Variants in P2RY8 observed in about 807,000 individuals in gnomAD.
P2RY8 encodes the protein P2Y receptor family member 8, also known as S-geranylgeranyl-glutathione receptor P2RY8.
P2RY8 carries 6 observed loss-of-function variants against 10.0 expected under a neutral mutation model. That is an observed-to-expected ratio of 0.60 (90% CI 0.33 to 1.19). P2RY8 has a LOEUF of 1.19. Among genes scored for constraint, P2RY8 ranks in the 50% most tolerant of loss-of-function variants. P2RY8 has a pLI of 0.04. For synonymous variants in P2RY8, 276 were observed against 252.5 expected (o/e 1.09, Z -0.88); for missense variants, 456 against 542.0 (o/e 0.84, Z 1.58).
At chrX:1,514,569 C>T (rs1439688843) in intron 1 of P2RY8, among the ~76,000 whole-genome samples, 1 of 70,290 alleles carries the variant, frequency 1.4e-5, no homozygotes, top group Non-Finnish European at 2.8e-5. Context: ...TCCCTTCCCT[C>T]CCTTCCCTTC....
chrX:1,519,812 T>A (rs2092377666), intron 1 of P2RY8, among the ~76,000 whole-genome samples: 2 of 151,754 alleles, frequency 1.3e-5, no homozygotes, highest in Admixed American at 1.3e-4. Context: ...TTTTCTCGGA[T>A]CCCCAATCAT....
chrX:1,473,801 T>G, intron 1 of P2RY8, among the ~76,000 whole-genome samples: 1 of 132,802 alleles, frequency 7.5e-6, no homozygotes, highest in African/African-American at 2.8e-5. Flanking sequence ...GGTGGGTGGG[T>G]TTGTGAATGG....
intron 1 of P2RY8, among the ~76,000 whole-genome samples, chrX:1,478,325 C>G (rs1157829819): frequency 6.7e-6 from 1 of 149,300 alleles, no homozygotes; most frequent in Non-Finnish European, 1.5e-5. Context: ...AAACAGGGAT[C>G]ATATAAACTA....
At chrX:1,533,042 G>GA (rs1176580168) in intron 1 of P2RY8, among the ~76,000 whole-genome samples, 1 of 128,012 alleles carries the variant, frequency 7.8e-6, no homozygotes, top group Non-Finnish European at 1.7e-5. Context: ...AAAGAAAAAA[G>GA]AAAAAAAAAG....
At chrX:1,489,701 G>T (rs1185351414) in intron 1 of P2RY8, among the ~76,000 whole-genome samples, 1 of 151,540 alleles carries the variant, frequency 6.6e-6, no homozygotes, top group African/African-American at 2.4e-5. Context: ...TAGAGAGAAT[G>T]AATGAATGAT....
chrX:1,509,099 GTATCTATCTATCTATC>G (rs760585041), intron 1 of P2RY8, among the ~76,000 whole-genome samples: 61 of 138,404 alleles, frequency 4.4e-4, no homozygotes, highest in Non-Finnish European at 7.1e-4. Flanking sequence ...ATGTATCTAT[GTATCTATCTATCTATC>G]TATCTATCTA....
chrX:1,487,971 G>A (rs6645253), intron 1 of P2RY8, among the ~76,000 whole-genome samples: 29,580 of 152,046 alleles, frequency 0.19, 3,530 homozygotes, highest in Middle Eastern at 0.39. Flanking sequence ...TTAGCCAGGC[G>A]TGGTGGTGGG....
At chrX:1,501,891 C>A (rs28507420) in intron 1 of P2RY8, among the ~76,000 whole-genome samples, 3,712 of 151,878 alleles carry the variant, frequency 0.024, 53 homozygotes, top group Middle Eastern at 0.048. Context: ...CCACGCCCGG[C>A]GAGTTTTCAT....
rs1170051824 is a variant in P2RY8 at position 1,509,796 on chromosome X, C to CCTATCTATCTATCTAT, written c.-25+27109_-25+27124dup. Among the ~76,000 whole-genome samples, 264 of 105,114 alleles carry CCTATCTATCTATCTAT rather than the reference C, an allele frequency of 2.5e-3. 7 individuals carry two copies. The highest frequency in any genetic ancestry group is 5.6e-3 in the South Asian group (18 of 3,214). 69.0% of individuals were successfully genotyped at this position (105,114 alleles called of 152,430 possible). A position where few individuals can be genotyped will look rare whatever the true frequency, so the allele number is the denominator to read the frequency against. On this transcript the variant is annotated intron_variant, in intron 1 of 1. Transcript: ENST00000381297. ...ATCTATCTATCATCTATGTATCCATCCTATCTATCTATCTATCTATCTATC... is the reference window on the plus strand; with the variant it reads ...ATCTATCTATCATCTATGTATCCATCCTATCTATCTATCTATCTATCTATCTATCTATCTATCTATC...
At position 1,512,176 on chromosome X, in the gene P2RY8, C is replaced by T. The variant is rs778533921; in HGVS notation, c.-25+24745G>A. ...CTTAAACAACAGAAATTCATCATCT[C>T]CCAGTCCTGGAGGTGAAGAGTCTGA... On this transcript the variant is annotated intron_variant, in intron 1 of 1. Coordinates refer to ENST00000381297, the MANE Select transcript of P2RY8 (RefSeq NM_178129.5). 1.2e-4 allele frequency among the ~76,000 whole-genome samples: 18 copies of T among 152,192 alleles called. No individual in the cohort carries two copies. In the South Asian group the frequency reaches 3.3e-3, roughly 28 times the overall value.
chrX:1,535,931 A>G (rs1268050422), intron 1 of P2RY8, among the ~76,000 whole-genome samples: 5 of 152,046 alleles, frequency 3.3e-5, no homozygotes, highest in Non-Finnish European at 5.9e-5. Flanking sequence ...TGGGGTTTCT[A>G]AGCGGACCTG....
At chrX:1,481,115 CAAG>C (rs2091930107) in intron 1 of P2RY8, among the ~76,000 whole-genome samples, 2 of 151,860 alleles carry the variant, frequency 1.3e-5, no homozygotes, top group Admixed American at 1.3e-4. Context: ...ATGCTGGTCA[CAAG>C]AAGACGGTCC....
chrX:1,468,744 C>T (rs2091729315), intron 1 of P2RY8, among the ~76,000 whole-genome samples: 1 of 28,480 alleles, frequency 3.5e-5, no homozygotes, highest in Non-Finnish European at 8.1e-5. Context: ...TCTCCTCTCT[C>T]CTCTCTCCCC....
chrX:1,470,091 G>T (rs1299071706), intron 1 of P2RY8, among the ~76,000 whole-genome samples: 1 of 152,092 alleles, frequency 6.6e-6, no homozygotes, highest in African/African-American at 2.4e-5. Context: ...GGGCATCATG[G>T]CTCACACCTG....
chrX:1,469,738 A>C (rs1190073228), intron 1 of P2RY8, among the ~76,000 whole-genome samples: 2 of 151,868 alleles, frequency 1.3e-5, no homozygotes, highest in African/African-American at 2.4e-5. Flanking sequence ...AAAAAAACAA[A>C]AAAACAAAAA....
intron 1 of P2RY8, among the ~76,000 whole-genome samples, chrX:1,517,227 A>G (rs1225423937): frequency 2.0e-5 from 3 of 152,096 alleles, no homozygotes; most frequent in Admixed American, 6.6e-5. Flanking sequence ...ACATCTCATA[A>G]GAGGAGGAGA....
intron 1 of P2RY8, among the ~76,000 whole-genome samples, chrX:1,514,180 C>T (rs28535801): frequency 0.98 from 148,718 of 152,202 alleles, 72,740 homozygotes; most frequent in East Asian, 1. Context: ...TGGATTATCT[C>T]CCCACATCCA....
At chrX:1,474,648 T>A (rs1254970873) in intron 1 of P2RY8, among the ~76,000 whole-genome samples, 68 of 101,490 alleles carry the variant, frequency 6.7e-4, no homozygotes, top group Middle Eastern at 8.9e-3. Context: ...GTTTAGGTGG[T>A]TGGACGTGTG....
chrX:1,515,946 T>TGGGGG (rs533655818), intron 1 of P2RY8, among the ~76,000 whole-genome samples: 1 of 77,930 alleles, frequency 1.3e-5, no homozygotes, highest in African/African-American at 4.3e-5. Flanking sequence ...GGCCGAGGGG[T>TGGGGG]CGGGGGGTGG....
Sources: allele counts gnomAD v4.1 joint callset (sites outside exome capture counted in the v4.1 genomes callset), GRCh38; gene constraint gnomAD v4.1.1; transcripts MANE v1.5; gene names NCBI Gene and HGNC (gene_info 2026-07-23, HGNC 2026-07-21).